KCNIP1: variants seen among roughly 807,000 people sequenced by gnomAD.
KCNIP1 encodes the protein A-type potassium channel modulatory protein KCNIP1.
A neutral mutation model predicts 33.0 loss-of-function variants in KCNIP1; 18 were observed. The ratio of observed to expected loss-of-function variants is 0.55; its 90% CI spans 0.38 to 0.81. The LOEUF is 0.81. Ranked by LOEUF, KCNIP1 falls within the 30% of genes least tolerant of loss-of-function variation. The pLI, the probability that KCNIP1 is intolerant of heterozygous loss-of-function variation, is 0.00. For missense variants in KCNIP1, 238 were observed against 271.6 expected (o/e 0.88, Z 0.87); for synonymous variants, 93 against 98.3 (o/e 0.95, Z 0.32).
intron 1 of KCNIP1, chr5:170,712,951 C>G: frequency 7.5e-7 from 1 of 1,335,704 alleles, no homozygotes; most frequent in South Asian, 1.2e-5. Flanking sequence ...GCTTCTTAAT[C>G]AAGCTCATGT....
intron 1 of KCNIP1, among the ~76,000 whole-genome samples, chr5:170,476,928 T>G (rs1038600299): frequency 6.6e-6 from 1 of 152,210 alleles, no homozygotes; most frequent in African/African-American, 2.4e-5. Context: ...CCTACAAGAC[T>G]AAGAGTGAAT....
chr5:170,524,251 G>T (rs546374466), intron 1 of KCNIP1, among the ~76,000 whole-genome samples: 1 of 152,076 alleles, frequency 6.6e-6, no homozygotes, highest in East Asian at 1.9e-4. Flanking sequence ...AGCTGCCAAC[G>T]CTCCAGCACT....
chr5:170,519,882 C>T (rs1755292098), intron 1 of KCNIP1, among the ~76,000 whole-genome samples: 1 of 152,024 alleles, frequency 6.6e-6, no homozygotes, highest in Admixed American at 6.6e-5. Flanking sequence ...TGTGATTGTT[C>T]TTATTGTTGA....
intron 1 of KCNIP1, among the ~76,000 whole-genome samples, chr5:170,390,517 A>AAAAATATATATATAT: frequency 9.4e-5 from 7 of 74,544 alleles, no homozygotes; most frequent in African/African-American, 1.3e-4. Context: ...AAAAAAAACA[A>AAAAATATATATATAT]ATATATATAT....
At chr5:170,689,904 A>C (rs1762663188) in intron 1 of KCNIP1, among the ~76,000 whole-genome samples, 1 of 152,192 alleles carries the variant, frequency 6.6e-6, no homozygotes, top group East Asian at 1.9e-4. Flanking sequence ...ATGTTCATCA[A>C]ATCAGGCCCC....
intron 1 of KCNIP1, among the ~76,000 whole-genome samples, chr5:170,695,406 T>C (rs1269152931): frequency 6.6e-6 from 1 of 152,204 alleles, no homozygotes; most frequent in Non-Finnish European, 1.5e-5. Context: ...GAAAGAAGAT[T>C]AGGGCATCCC....
intron 1 of KCNIP1, among the ~76,000 whole-genome samples, chr5:170,464,453 C>T (rs1756567137): frequency 6.6e-6 from 1 of 152,202 alleles, no homozygotes; most frequent in Non-Finnish European, 1.5e-5. Context: ...AAGAACAAAG[C>T]TAGACAAAGT....
At chr5:170,660,501 TC>T (rs1258913998) in intron 1 of KCNIP1, among the ~76,000 whole-genome samples, 1 of 152,242 alleles carries the variant, frequency 6.6e-6, no homozygotes, top group African/African-American at 2.4e-5. Context: ...TGATATTTGT[TC>T]CTATGTCCTT....
chr5:170,677,656 G>A (rs1038560166), intron 1 of KCNIP1, among the ~76,000 whole-genome samples: 2 of 152,132 alleles, frequency 1.3e-5, no homozygotes, highest in East Asian at 1.9e-4. Context: ...ACCTAAACTG[G>A]AATCCAGTCT....
chr5:170,631,756 T>TTC (rs1307963106), intron 1 of KCNIP1, among the ~76,000 whole-genome samples: 5 of 152,204 alleles, frequency 3.3e-5, no homozygotes, highest in Non-Finnish European at 7.4e-5. Context: ...CCCCTAGGGC[T>TTC]TCTCTCCCAG....
At chr5:170,391,969 T>A (rs943050455) in intron 1 of KCNIP1, among the ~76,000 whole-genome samples, 2 of 152,200 alleles carry the variant, frequency 1.3e-5, no homozygotes, top group Non-Finnish European at 2.9e-5. Context: ...CATTGATGTC[T>A]CTTCCCCTTC....
At chr5:170,656,714 C>A (rs1581456023) in intron 1 of KCNIP1, among the ~76,000 whole-genome samples, 1 of 152,344 alleles carries the variant, frequency 6.6e-6, no homozygotes, top group East Asian at 1.9e-4. Context: ...CAGTCACCAT[C>A]TCATAGACAT....
intron 1 of KCNIP1, among the ~76,000 whole-genome samples, chr5:170,566,496 T>C (rs1041856700): frequency 6.6e-6 from 1 of 152,214 alleles, no homozygotes; most frequent in African/African-American, 2.4e-5. Flanking sequence ...TCCAAGGTCA[T>C]ACAAGGACTG....
chr5:170,613,210 G>A (rs997803975), intron 1 of KCNIP1, among the ~76,000 whole-genome samples: 5 of 151,986 alleles, frequency 3.3e-5, no homozygotes, highest in Non-Finnish European at 5.9e-5. Context: ...TCCTCATCTC[G>A]CCTCCCACCG....
intron 1 of KCNIP1, among the ~76,000 whole-genome samples, chr5:170,647,947 C>A (rs12153080): frequency 6.6e-6 from 1 of 152,040 alleles, no homozygotes; most frequent in Admixed American, 6.6e-5. Context: ...AATTAAAAAT[C>A]TGATTCAAAA....
intron 1 of KCNIP1, among the ~76,000 whole-genome samples, chr5:170,708,222 C>T (rs1763324491): frequency 6.6e-6 from 1 of 152,150 alleles, no homozygotes; most frequent in Non-Finnish European, 1.5e-5. Flanking sequence ...TTAGGGAACG[C>T]TGTCAATCAA....
chr5:170,717,920 C>T, intron 1 of KCNIP1, among the ~76,000 whole-genome samples: 1 of 152,198 alleles, frequency 6.6e-6, no homozygotes, highest in East Asian at 1.9e-4. Flanking sequence ...TTATAGAACA[C>T]ATTCTGGCAG....
chr5:170,536,545 G>A (rs1755990787), intron 1 of KCNIP1, among the ~76,000 whole-genome samples: 1 of 152,102 alleles, frequency 6.6e-6, no homozygotes, highest in African/African-American at 2.4e-5. Context: ...CCTCCCCAAA[G>A]AGGAAACAAA....
In KCNIP1 at chr5:170,407,866, A is replaced by G. The variant is rs566788442; in HGVS notation, c.88+53902A>G. ...TTGCTCAAAACACTACCTCATCTTC[A>G]GTGGCGTAGTGACAGTGACCTTCAA... is the stretch of plus-strand genomic sequence containing the variant. On this transcript the variant is annotated intron_variant, in intron 1 of 7. Coordinates refer to the KCNIP1 transcript ENST00000377360. Among the ~76,000 whole-genome samples the G allele has an allele frequency of 2.8e-3, 407 of 143,934 alleles. 3 individuals are homozygous for G. Among genetic ancestry groups the G allele is most frequent in the Non-Finnish European group, 2.8e-3 (183 of 66,264 alleles). The allele number at this position is 143,934 out of a possible 152,430, so 94.4% of individuals were successfully genotyped here.
Sources: allele counts gnomAD v4.1 joint callset (sites outside exome capture counted in the v4.1 genomes callset), GRCh38; gene constraint gnomAD v4.1.1; transcripts MANE v1.5; gene names NCBI Gene and HGNC (gene_info 2026-07-23, HGNC 2026-07-21).